Variants in CLDN14 observed in about 807,000 individuals in gnomAD.
The protein encoded by CLDN14 is claudin 14.
CLDN14 carries 2 observed loss-of-function variants against 2.1 expected under a neutral mutation model. The ratio of observed to expected loss-of-function variants is 0.96; its 90% CI spans 0.39 to 3.01. The LOEUF (loss-of-function observed/expected upper bound fraction) is 3.01. CLDN14 is among the 30% of genes most tolerant of loss of function. The probability of loss-of-function intolerance (pLI) is 0.09; values close to 1 mark genes in which losing one functional copy is unlikely to be tolerated. For synonymous variants in CLDN14, 136 were observed against 154.4 expected (o/e 0.88, Z 0.88); for missense variants, 298 against 328.0 (o/e 0.91, Z 0.71).
At chr21:36,539,395 GTGTGGAGTGTGTGTGGAGTGAC>G (rs1183623676) in intron 1 of CLDN14, among the ~76,000 whole-genome samples, 2 of 149,094 alleles carry the variant, frequency 1.3e-5, no homozygotes, top group Admixed American at 6.7e-5. Context: ...GAGTGAGTGT[GTGTGGAGTGTGTGTGGAGTGAC>G]TGTGGAGTGT....
At chr21:36,529,927 C>G (rs1001953367) in intron 1 of CLDN14, among the ~76,000 whole-genome samples, 1 of 152,232 alleles carries the variant, frequency 6.6e-6, no homozygotes, top group South Asian at 2.1e-4. Context: ...ACTCCTGCCC[C>G]CAGCCTCCAA....
intron 1 of CLDN14, chr21:36,531,854 T>C (rs1165847002): frequency 6.6e-6 from 1 of 152,192 alleles, no homozygotes; most frequent in East Asian, 1.9e-4. Context: ...TACTTCAAAG[T>C]CAAGCGGATT....
At chr21:36,507,558 G>A (rs1372933821) in intron 2 of CLDN14, among the ~76,000 whole-genome samples, 1 of 152,186 alleles carries the variant, frequency 6.6e-6, no homozygotes, top group Non-Finnish European at 1.5e-5. Context: ...AAGGTCAGAA[G>A]TTTGAGACCA....
In CLDN14 at chr21:36,505,807, T is replaced by C. The variant is rs531797822; in HGVS notation, c.-82+4556A>G. On this transcript the variant is annotated intron_variant, in intron 2 of 2. Transcript: ENST00000342108. ...GGTCCATTGTTAACCCCTTCCTGGT[T>C]TGATCCACCCAAAGCCAGCCGGCTT... Among the ~76,000 whole-genome samples, 8 of 152,268 alleles carry C rather than the reference T, an allele frequency of 5.3e-5. No homozygotes were observed. In the South Asian group the frequency reaches 1.7e-3, roughly 32 times the overall value.
chr21:36,549,700 G>A (rs888034568), intron 1 of CLDN14, among the ~76,000 whole-genome samples: 6 of 152,196 alleles, frequency 3.9e-5, no homozygotes, highest in African/African-American at 1.4e-4. Flanking sequence ...CAACGGCCCT[G>A]GAGGAACTCA....
rs146922176 is a variant in CLDN14 at position 36,502,558 on chromosome 21, T to C, written c.-82+7805A>G. Among the ~76,000 whole-genome samples, 214 of 152,390 alleles carry C rather than the reference T, an allele frequency of 1.4e-3. 1 individual carries two copies. Among genetic ancestry groups the C allele is most frequent in the Non-Finnish European group, 2.5e-3 (172 of 68,040 alleles). ...TGTTACTGAGACATCTTGTAAACTTTACAGCTACTGTTTTACACTTCATCA... is the reference window on the plus strand; with the variant it reads ...TGTTACTGAGACATCTTGTAAACTTCACAGCTACTGTTTTACACTTCATCA... On this transcript the variant is annotated intron_variant, in intron 2 of 2. Coordinates refer to the CLDN14 transcript ENST00000342108.
chr21:36,510,312 A>T (rs2087174573), intron 2 of CLDN14: 1 of 152,250 alleles, frequency 6.6e-6, no homozygotes, highest in Admixed American at 6.5e-5. Context: ...TACAGATTTT[A>T]AGTAATTGAT....
At chr21:36,486,103 G>A (rs1383386986) in intron 2 of CLDN14, 1 of 1,358,448 alleles carries the variant, frequency 7.4e-7, no homozygotes, top group Non-Finnish European at 1.1e-6. Context: ...GGTTCTCCAG[G>A]ACACTCTGAA....
chr21:36,555,842 T>C (rs1440983666), intron 1 of CLDN14, among the ~76,000 whole-genome samples: 2 of 64,426 alleles, frequency 3.1e-5, no homozygotes, highest in African/African-American at 8.8e-5. Context: ...TGTGTGTGTG[T>C]GTGTGTGTGA....
chr21:36,559,440 G>C (rs183231465), intron 1 of CLDN14, among the ~76,000 whole-genome samples: 1 of 152,078 alleles, frequency 6.6e-6, no homozygotes, highest in East Asian at 1.9e-4. Flanking sequence ...CAGGTGACCC[G>C]CCCACCTTGG....
chr21:36,485,868 A>G, intron 2 of CLDN14: 2 of 410,284 alleles, frequency 4.9e-6, no homozygotes, highest in Admixed American at 4.4e-5. Context: ...TTTTTTTTTT[A>G]TGTTGCCAAG....
chr21:36,570,895 G>A (rs2087705007), intron 1 of CLDN14, among the ~76,000 whole-genome samples: 2 of 152,184 alleles, frequency 1.3e-5, no homozygotes, highest in Non-Finnish European at 1.5e-5. Context: ...AGGCTGGAGT[G>A]CAGTGGCGTG....
At chr21:36,533,819 C>A (rs556559508) in intron 1 of CLDN14, among the ~76,000 whole-genome samples, 1 of 152,142 alleles carries the variant, frequency 6.6e-6, no homozygotes, top group African/African-American at 2.4e-5. Context: ...AGAGGGGAAC[C>A]ACACACACTG....
At chr21:36,489,912 G>A (rs1031881190) in intron 2 of CLDN14, among the ~76,000 whole-genome samples, 5 of 152,176 alleles carry the variant, frequency 3.3e-5, no homozygotes, top group Non-Finnish European at 5.9e-5. Flanking sequence ...GCCATGAGAG[G>A]AAGCAGCTGT....
intron 1 of CLDN14, among the ~76,000 whole-genome samples, chr21:36,527,239 C>A (rs2087339243): frequency 6.6e-6 from 1 of 152,190 alleles, no homozygotes; most frequent in Non-Finnish European, 1.5e-5. Context: ...TTGCCAACTT[C>A]TCACCACCGT....
chr21:36,546,970 T>A lies in CLDN14; in HGVS notation c.-220+29441A>T, dbSNP rs142806736. 2.0e-3 allele frequency among the ~76,000 whole-genome samples: 305 copies of A among 152,314 alleles called. 1 individual carries two copies. The highest frequency in any genetic ancestry group is 6.6e-3 in the African/African-American group (275 of 41,558). ...GCAGGGAGGAGTGTTGCTCTTGGCA[T>A]CTAGTGGGTAGAGTCAGCGATGCTG... is the stretch of plus-strand genomic sequence containing the variant. On this transcript the variant is annotated intron_variant, in intron 1 of 2. Coordinates refer to the CLDN14 transcript ENST00000342108.
intron 2 of CLDN14, among the ~76,000 whole-genome samples, chr21:36,489,585 G>C (rs996290160): frequency 1.5e-4 from 23 of 152,284 alleles, no homozygotes; most frequent in African/African-American, 3.4e-4. Flanking sequence ...AGGGCCTGGT[G>C]GGGGGCCGGG....
intron 1 of CLDN14, among the ~76,000 whole-genome samples, chr21:36,574,179 T>C (rs2087726971): frequency 6.6e-6 from 1 of 152,204 alleles, no homozygotes; most frequent in South Asian, 2.1e-4. Context: ...GTAGTCAAGA[T>C]AGTAGGGTAC....
At chr21:36,496,436 CAAAAAAA>C (rs60272055) in intron 2 of CLDN14, among the ~76,000 whole-genome samples, 2 of 95,502 alleles carry the variant, frequency 2.1e-5, no homozygotes, top group South Asian at 4.1e-4. Flanking sequence ...GACCTTGTTT[CAAAAAAA>C]AAAAAAAAAA....
Sources: gnomAD v4.1 joint callset for allele counts (sites outside exome capture counted in the v4.1 genomes callset) on GRCh38, gnomAD v4.1.1 for gene constraint, MANE v1.5 for transcripts, NCBI Gene and HGNC (gene_info 2026-07-23, HGNC 2026-07-21) for gene names.